The following SRSF12 variants were observed in gnomAD, a reference collection of about 807,000 sequenced individuals.
The protein encoded by SRSF12 is serine and arginine rich splicing factor 12.
In SRSF12, 21 loss-of-function variants were observed where a neutral mutation model predicts 34.1. The ratio of observed to expected loss-of-function variants is 0.62; its 90% confidence interval spans 0.44 to 0.89. SRSF12 has a LOEUF of 0.89. SRSF12 is among the 40% of genes least tolerant of loss of function. The probability of loss-of-function intolerance (pLI) is 0.00; values close to 1 mark genes in which losing one functional copy is unlikely to be tolerated. For synonymous variants in SRSF12, 111 were observed against 110.8 expected, an observed-to-expected ratio of 1.00 and a Z score of -0.01; for missense variants, 278 against 327.8, an observed-to-expected ratio of 0.85 and a Z score of 1.17.
chr6:89,117,830 C>T lies in SRSF12; in HGVS notation c.58G>A (p.Ala20Thr). 6.4e-7 allele frequency: 1 copy of T among 1,557,632 alleles called. No homozygotes were observed. Among genetic ancestry groups the T allele is most frequent in the Non-Finnish European group, 8.7e-7 (1 of 1,154,594 alleles). ...GCAGCCGCGGCCGTTCACCTGGTGG[C>T]GTCCGCGACGTTCCTGATGAACAGG... is the stretch of plus-strand genomic sequence containing the variant. Reference protein sequence around the residue: ...TSLFIRNVADATRPEDLRREF... With the variant: ...TSLFIRNVADTTRPEDLRREF... Residue 20 changes from alanine (A) to threonine (T), a missense_variant, in exon 1 of 5, where the codon GCC becomes ACC. Physicochemically the swap from Ala to Thr is moderately conservative, Grantham distance 58. Coordinates refer to ENST00000452027, the MANE Select transcript of SRSF12 (RefSeq NM_080743.5).
chr6:89,106,182 G>A (rs761529281), intron 2 of SRSF12, among the ~76,000 whole-genome samples: 1 of 152,062 alleles, frequency 6.6e-6, no homozygotes, highest in Non-Finnish European at 1.5e-5. Flanking sequence ...GTGCAATGGC[G>A]CGATCTCAGC....
rs577550629 is a variant in SRSF12 at position 89,098,099 on chromosome 6, A to C, written c.*479T>G. 2 of 152,946 alleles carry C rather than the reference A, an allele frequency of 1.3e-5. No homozygotes were observed. The highest frequency in any genetic ancestry group is 2.1e-4 in the South Asian group (1 of 4,848). The allele number at this position is 152,946 out of a possible 1,614,324, so 9.5% of individuals were successfully genotyped here. On this transcript the variant is annotated 3_prime_UTR_variant, in exon 5 of 5. Transcript: ENST00000452027. ...ACATCAGAATTTTGTAATATGAACT[A>C]ATATCCACCAGGAATTGGCCCAAGT...
chr6:89,116,008 T>C (rs1238642383), intron 1 of SRSF12, among the ~76,000 whole-genome samples: 1 of 152,254 alleles, frequency 6.6e-6, no homozygotes, highest in Non-Finnish European at 1.5e-5. Flanking sequence ...TCCAGATTTC[T>C]GATTTCTCTT....
In SRSF12 at chr6:89,109,035, AT is replaced by A. The variant is rs529757188; in HGVS notation, c.66-1778del. Among the ~76,000 whole-genome samples, 15 of 152,292 alleles carry A rather than the reference AT, an allele frequency of 9.8e-5. No homozygotes were observed. The East Asian group carries it at 2.9e-3, about 29-fold the overall frequency. Reference sequence around the variant, plus strand: ...CTTATTCAGAATTAAGCAAATACTTATTGAGCACCTACCATGTGCCAGGCTC... The same window carrying A: ...CTTATTCAGAATTAAGCAAATACTTATGAGCACCTACCATGTGCCAGGCTC... On this transcript the variant is annotated intron_variant, in intron 1 of 4. Coordinates refer to ENST00000452027, the MANE Select transcript of SRSF12 (RefSeq NM_080743.5).
chr6:89,111,337 T>G (rs926209103), intron 1 of SRSF12, among the ~76,000 whole-genome samples: 1 of 152,226 alleles, frequency 6.6e-6, no homozygotes, highest in Admixed American at 6.5e-5. Flanking sequence ...CTTGAAAATA[T>G]GTTGTAGTTT....
At chr6:89,110,074 G>C (rs1197306111) in intron 1 of SRSF12, among the ~76,000 whole-genome samples, 1 of 151,386 alleles carries the variant, frequency 6.6e-6, no homozygotes, top group Non-Finnish European at 1.5e-5. Flanking sequence ...CTGGGCAACA[G>C]AGCAAGACTC....
intron 1 of SRSF12, among the ~76,000 whole-genome samples, chr6:89,108,066 G>A (rs1768877620): frequency 1.3e-5 from 2 of 152,140 alleles, no homozygotes; most frequent in Admixed American, 6.5e-5. Context: ...AAAAATGGAT[G>A]TTTTAATATT....
intron 1 of SRSF12, among the ~76,000 whole-genome samples, chr6:89,114,364 G>C (rs754435325): frequency 6.6e-6 from 1 of 152,178 alleles, no homozygotes; most frequent in African/African-American, 2.4e-5. Context: ...GGAGGCGGAG[G>C]TTGCAGTGAG....
intron 2 of SRSF12, among the ~76,000 whole-genome samples, chr6:89,106,238 A>G (rs1712906599): frequency 6.6e-6 from 1 of 151,914 alleles, no homozygotes; most frequent in Non-Finnish European, 1.5e-5. Context: ...TCAGCCTTCC[A>G]AGTAGCTGGG....
intron 1 of SRSF12, among the ~76,000 whole-genome samples, chr6:89,114,478 G>A (rs945347417): frequency 3.3e-5 from 5 of 152,036 alleles, no homozygotes; most frequent in East Asian, 1.9e-4. Context: ...GGGTTACTGC[G>A]AAAATTTAAT....
At chr6:89,111,547 G>T (rs998109386) in intron 1 of SRSF12, among the ~76,000 whole-genome samples, 11 of 150,810 alleles carry the variant, frequency 7.3e-5, no homozygotes, top group Non-Finnish European at 1.0e-4. Context: ...CAGTTTTTTT[G>T]TTCATTCCCT....
intron 4 of SRSF12, among the ~76,000 whole-genome samples, chr6:89,099,540 T>TTG (rs1768441437): frequency 7.6e-6 from 1 of 131,332 alleles, no homozygotes; most frequent in African/African-American, 3.9e-5. Context: ...ACATACATGT[T>TTG]TTTTTTTTTT....
chr6:89,104,221 AC>A (rs1174164892), intron 4 of SRSF12, among the ~76,000 whole-genome samples: 1 of 88,688 alleles, frequency 1.1e-5, no homozygotes, highest in Non-Finnish European at 2.3e-5. Context: ...AAAACTCATC[AC>A]CTTTTTTTTT....
At chr6:89,115,671 C>T (rs1174755755) in intron 1 of SRSF12, among the ~76,000 whole-genome samples, 1 of 140,984 alleles carries the variant, frequency 7.1e-6, no homozygotes. Flanking sequence ...AGTCCTCGCT[C>T]TGTCTCCCAG....
chr6:89,109,574 T>C (rs1289016195), intron 1 of SRSF12, among the ~76,000 whole-genome samples: 3 of 151,986 alleles, frequency 2.0e-5, no homozygotes, highest in Non-Finnish European at 4.4e-5. Context: ...ATAGATAATA[T>C]AAAAGAGGAG....
At chr6:89,100,180 A>C (rs1174597749) in intron 4 of SRSF12, among the ~76,000 whole-genome samples, 1 of 152,220 alleles carries the variant, frequency 6.6e-6, no homozygotes, top group Non-Finnish European at 1.5e-5. Context: ...TGTATGGAAG[A>C]GATTCCAAGG....
At chr6:89,116,884 T>C (rs1204076877) in intron 1 of SRSF12, among the ~76,000 whole-genome samples, 1 of 152,146 alleles carries the variant, frequency 6.6e-6, no homozygotes, top group South Asian at 2.1e-4. Flanking sequence ...GCTCCATGTA[T>C]CTATACCTCT....
intron 1 of SRSF12, among the ~76,000 whole-genome samples, chr6:89,109,857 C>T (rs879383508): frequency 6.6e-5 from 10 of 152,100 alleles, no homozygotes; most frequent in Non-Finnish European, 1.0e-4. Flanking sequence ...TTTGGGAGGC[C>T]GAGGTGGGCG....
At chr6:89,111,650 C>T (rs1769054466) in intron 1 of SRSF12, among the ~76,000 whole-genome samples, 1 of 152,008 alleles carries the variant, frequency 6.6e-6, no homozygotes. Context: ...TGCCTTGTTG[C>T]ACTGGTTAGG....
Sources: allele counts gnomAD v4.1 joint callset (sites outside exome capture counted in the v4.1 genomes callset), GRCh38; gene constraint gnomAD v4.1.1; transcripts MANE v1.5; gene names NCBI Gene and HGNC (gene_info 2026-07-23, HGNC 2026-07-21).